Variants in SIGLEC5 observed in about 807,000 individuals in gnomAD.
SIGLEC5 encodes the protein sialic acid binding Ig like lectin 5, also known as sialic acid-binding Ig-like lectin 5.
SIGLEC5 carries 34 observed loss-of-function variants against 45.9 expected under a neutral mutation model. The observed-to-expected ratio is 0.74, with a 90% confidence interval of 0.56 to 0.99. SIGLEC5 has a LOEUF of 0.99. Ranked by LOEUF, SIGLEC5 falls within the 50% of genes least tolerant of loss-of-function variation. SIGLEC5 has a pLI of 0.00. For missense variants in SIGLEC5, 508 were observed against 629.6 expected, an observed-to-expected ratio of 0.81 and a Z score of 2.07; for synonymous variants, 203 against 258.6, an observed-to-expected ratio of 0.79 and a Z score of 2.06.
intron 8 of SIGLEC5, among the ~76,000 whole-genome samples, chr19:51,615,800 A>G (rs1339908542): frequency 6.6e-6 from 1 of 152,098 alleles, no homozygotes; most frequent in Non-Finnish European, 1.5e-5. Context: ...TTTTGAGACG[A>G]TGCTTCACTG....
In SIGLEC5 at chr19:51,626,257, G is replaced by A. The variant is rs1311373496; in HGVS notation, c.1383-144C>T. The A allele has an allele frequency of 2.0e-5, 13 of 650,580 alleles. No individual in the cohort carries two copies. In the Middle Eastern group the frequency reaches 1.2e-3, roughly 62 times the overall value. 40.3% of individuals were successfully genotyped at this position (650,580 alleles called of 1,614,324 possible). ...ACTCGGAGACCTTCCTGACTTCGGA[G>A]TGAGGGCTCCATCCTCCTGGATAAC... On this transcript the variant is annotated intron_variant, in intron 7 of 8. Transcript: ENST00000683636.
Position 51,627,223 on chromosome 19 carries a change from C to A in SIGLEC5, c.1308G>T (p.Val436=), listed in dbSNP as rs1027739350. Residue 436 remains valine, a synonymous_variant, in exon 7 of 9, where the codon GTG becomes GTT. Transcript: ENST00000683636. ...LQGRSNLGTG[V]VPAALGGAGV... Reference sequence around the variant, plus strand: ...CAGCACCACCAAGGGCTGCAGGAACCACTCCTGTCCCGAGGTTCGATCTCC... The same window carrying A: ...CAGCACCACCAAGGGCTGCAGGAACAACTCCTGTCCCGAGGTTCGATCTCC... 1.2e-6 allele frequency: 2 copies of A among 1,614,152 alleles called. No homozygotes were observed. The highest frequency in any genetic ancestry group is 1.7e-6 in the Non-Finnish European group (2 of 1,180,008).
At chr19:51,623,169 A>G (rs1983354433) in intron 8 of SIGLEC5, among the ~76,000 whole-genome samples, 1 of 152,226 alleles carries the variant, frequency 6.6e-6, no homozygotes, top group Non-Finnish European at 1.5e-5. Flanking sequence ...TACATCTAAT[A>G]TGTACCCACA....
intron 8 of SIGLEC5, among the ~76,000 whole-genome samples, chr19:51,613,134 C>T (rs867146077): frequency 1.3e-4 from 20 of 152,126 alleles, no homozygotes; most frequent in Admixed American, 7.2e-4. Flanking sequence ...GGGAATAAAC[C>T]GGACACAGGT....
chr19:51,616,293 T>C (rs11084094), intron 8 of SIGLEC5, among the ~76,000 whole-genome samples: 70,225 of 152,104 alleles, frequency 0.46, 16,874 homozygotes, highest in East Asian at 0.75. Context: ...AAACTGAGCA[T>C]ATTACATGCA....
Position 51,627,668 on chromosome 19 carries a change from G to T in SIGLEC5, c.1076C>A (p.Pro359Gln). 4 of 1,610,530 alleles carry T rather than the reference G, an allele frequency of 2.5e-6. No homozygotes were observed. Among genetic ancestry groups the T allele is most frequent in the Non-Finnish European group, 2.5e-6 (3 of 1,178,930 alleles). The change falls in exon 6 of 9, where the codon CCG becomes CAG. Residue 359 changes from proline to glutamine, a missense_variant. Pro to Gln is a moderately conservative substitution (Grantham distance 76). Coordinates refer to ENST00000683636, the MANE Select transcript of SIGLEC5 (RefSeq NM_003830.4). ...AAGCCGCCAGCACAGGGAGGGGGCC[G>T]GCCGGGCTCGAAAGGAGCATCTGCA... The part of the protein sequence containing the change: ...LHCRCSFRAR[P>Q]APSLCWRLEE...
intron 8 of SIGLEC5, among the ~76,000 whole-genome samples, chr19:51,613,183 G>A (rs1290487308): frequency 2.0e-5 from 3 of 152,142 alleles, no homozygotes; most frequent in Non-Finnish European, 2.9e-5. Flanking sequence ...GGATAAACAA[G>A]TTTGCTGTGA....
chr19:51,620,373 G>C (rs1568589798), intron 8 of SIGLEC5, among the ~76,000 whole-genome samples: 1 of 152,078 alleles, frequency 6.6e-6, no homozygotes, highest in Admixed American at 6.6e-5. Context: ...AAAGTGCTGA[G>C]CAAAAGATGA....
At chr19:51,628,136 G>C in intron 4 of SIGLEC5, 45 bp from the exon 5 acceptor site, 1 of 1,487,062 alleles carries the variant, frequency 6.7e-7, no homozygotes, top group Non-Finnish European at 9.0e-7. Flanking sequence ...GGCCAGGGAG[G>C]CTGACAGTCC....
chr19:51,618,252 G>A (rs986739607), intron 8 of SIGLEC5, among the ~76,000 whole-genome samples: 3 of 151,558 alleles, frequency 2.0e-5, no homozygotes, highest in Non-Finnish European at 4.4e-5. Context: ...ATGTCAAATT[G>A]GATTTTTTAA....
chr19:51,613,585 A>G (rs1312605381), intron 8 of SIGLEC5, among the ~76,000 whole-genome samples: 1 of 152,094 alleles, frequency 6.6e-6, no homozygotes, highest in Non-Finnish European at 1.5e-5. Context: ...TGTGAACTCA[A>G]CTATTCGCTC....
At position 51,620,258 on chromosome 19, in the gene SIGLEC5, A is replaced by AGAG. The variant is rs1206098547; in HGVS notation, c.1464+5771_1464+5773dup. Among the ~76,000 whole-genome samples the AGAG allele has an allele frequency of 2.0e-5, 3 of 152,282 alleles. No homozygotes were observed. The East Asian group carries it at 5.8e-4, about 29-fold the overall frequency. ...ACACACTCTTCCAGACAGTAGAAAAAGAGAGACTAGTCCCCAATTTCTCAA... is the reference window on the plus strand; with the variant it reads ...ACACACTCTTCCAGACAGTAGAAAAAGAGGAGAGACTAGTCCCCAATTTCTCAA... On this transcript the variant is annotated intron_variant, in intron 8 of 8. Transcript: ENST00000683636.
rs371954393 is a variant in SIGLEC5 at position 51,627,456 on chromosome 19, C to A, written c.1282+6G>T. On this transcript the variant is annotated splice_donor_region_variant and intron_variant, in intron 6 of 8. Coordinates refer to ENST00000683636, the MANE Select transcript of SIGLEC5 (RefSeq NM_003830.4). ...GGCCCCTGCCCTCTGCAATACGCCC[C>A]CTGACCTTGCAGCAGCAGGACAGAG... 6.2e-7 allele frequency: 1 copy of A among 1,609,720 alleles called. No homozygotes were observed. The highest frequency in any genetic ancestry group is 8.5e-7 in the Non-Finnish European group (1 of 1,177,590).
intron 8 of SIGLEC5, chr19:51,621,725 A>G (rs1376606407): frequency 6.6e-6 from 1 of 152,218 alleles, no homozygotes; most frequent in Non-Finnish European, 1.5e-5. Context: ...TCCAGCTACC[A>G]AAGCAAGAAG....
In SIGLEC5 at chr19:51,629,503, G is replaced by A. The variant is rs574912773; in HGVS notation, c.555C>T (p.Leu185=). 180 of 1,607,818 alleles carry A rather than the reference G, an allele frequency of 1.1e-4. 1 individual carries two copies. The highest frequency in any genetic ancestry group is 1.0e-3 in the African/African-American group (75 of 74,396). Residue 185 remains leucine (L), a synonymous_variant, in exon 3 of 9, where the codon CTC becomes CTT. Coordinates refer to ENST00000683636, the MANE Select transcript of SIGLEC5 (RefSeq NM_003830.4). The part of the protein sequence containing the change: ...PLTFSWTGNA[L]SPLDPETTRS... ...GGGTGGTCTCGGGGTCCAGGGGGCT[G>A]AGGGCATTCCCCGTCCAGGAGAATG...
chr19:51,626,292 G>C (rs1983477286), intron 7 of SIGLEC5, among the ~76,000 whole-genome samples, 179 bp from the exon 8 acceptor site: 1 of 152,100 alleles, frequency 6.6e-6, no homozygotes, highest in African/African-American at 2.4e-5. Flanking sequence ...CCAGGGATTT[G>C]GTCAGGGTGG....
chr19:51,625,882 G>T, intron 8 of SIGLEC5, 150 bp downstream of exon 8: 1 of 664,174 alleles, frequency 1.5e-6, no homozygotes, highest in South Asian at 1.8e-5. Flanking sequence ...GGGACATAAT[G>T]ATTTCCTGGC....
At chr19:51,621,912 A>T (rs1216068472) in intron 8 of SIGLEC5, among the ~76,000 whole-genome samples, 1 of 152,146 alleles carries the variant, frequency 6.6e-6, no homozygotes, top group African/African-American at 2.4e-5. Flanking sequence ...AAAAATAACA[A>T]AAGATGTGTA....
Position 51,629,824 on chromosome 19 carries a change from C to G in SIGLEC5, c.421+9G>C. The G allele has an allele frequency of 7.4e-7, 1 of 1,353,102 alleles. No individual in the cohort carries two copies. Among genetic ancestry groups the G allele is most frequent in the African/African-American group, 1.5e-5 (1 of 67,682 alleles). The allele number at this position is 1,353,102 out of a possible 1,614,324, so 83.8% of individuals were successfully genotyped here. A position where few individuals can be genotyped will look rare whatever the true frequency, so the allele number is the denominator to read the frequency against. The stretch of plus-strand genomic sequence containing the variant: ...GTCCCAGGGTCCTCTCCTGGGGTCC[C>G]TGCCATACCTGTCACCTCCAAGTTC... On this transcript the variant is annotated intron_variant, in intron 2 of 8. Transcript: ENST00000683636.
Sources: gnomAD v4.1 joint callset for allele counts (sites outside exome capture counted in the v4.1 genomes callset) on GRCh38, gnomAD v4.1.1 for gene constraint, MANE v1.5 for transcripts, NCBI Gene and HGNC (gene_info 2026-07-23, HGNC 2026-07-21) for gene names.